The following CLIP2 variants were observed in gnomAD, a reference collection of about 807,000 sequenced individuals.
CLIP2 encodes the protein CAP-Gly domain-containing linker protein 2.
Under a neutral mutation model 111.7 loss-of-function variants are expected in CLIP2, and 41 were observed. The observed-to-expected ratio is 0.37, with a 90% confidence interval of 0.29 to 0.48. The LOEUF is 0.48. CLIP2 is among the 20% of genes least tolerant of loss of function. CLIP2 has a pLI of 0.99. For synonymous variants in CLIP2, 660 were observed against 644.2 expected (o/e 1.02, Z -0.37); for missense variants, 1,160 against 1,422.1 (o/e 0.82, Z 2.96).
intron 1 of CLIP2, among the ~76,000 whole-genome samples, chr7:74,315,367 T>C (rs562503490): frequency 2.5e-4 from 38 of 152,016 alleles, no homozygotes; most frequent in Non-Finnish European, 2.8e-4. Context: ...TTTTTTGCCA[T>C]GATTAATATG....
intron 10 of CLIP2, among the ~76,000 whole-genome samples, chr7:74,377,632 A>T (rs566934586): frequency 1.4e-3 from 213 of 152,180 alleles, no homozygotes; most frequent in African/African-American, 4.9e-3. Flanking sequence ...GCTCCATTTC[A>T]CAGGTGAGCA....
At chr7:74,321,960 A>C (rs1047305698) in intron 2 of CLIP2, among the ~76,000 whole-genome samples, 5 of 130,740 alleles carry the variant, frequency 3.8e-5, no homozygotes, top group East Asian at 4.5e-4. Flanking sequence ...TTTCTTTTTT[A>C]TTTTTATTAT....
At chr7:74,398,933 T>A (rs1791536411) in intron 14 of CLIP2, among the ~76,000 whole-genome samples, 1 of 152,180 alleles carries the variant, frequency 6.6e-6, no homozygotes, top group Non-Finnish European at 1.5e-5. Flanking sequence ...CACAGATTGG[T>A]CAAGTTTACT....
At chr7:74,349,447 A>T (rs111793990) in intron 3 of CLIP2, among the ~76,000 whole-genome samples, 2,715 of 75,696 alleles carry the variant, frequency 0.036, 319 homozygotes, top group African/African-American at 0.12. Flanking sequence ...AAAAAAAAAA[A>T]GTATGTATGT....
At position 74,332,462 on chromosome 7, in the gene CLIP2, T is replaced by C. The variant is rs547135352; in HGVS notation, c.122-5986T>C. Among the ~76,000 whole-genome samples, 59 of 122,692 alleles carry C rather than the reference T, an allele frequency of 4.8e-4. No individual in the cohort carries two copies. The East Asian group carries it at 9.8e-3, about 20-fold the overall frequency. The allele number at this position is 122,692 out of a possible 152,430, so 80.5% of individuals were successfully genotyped here. A position where few individuals can be genotyped will look rare whatever the true frequency, so the allele number is the denominator to read the frequency against. ...GCCTCACTGCAGCCTAGAATTCTCTTTTTTTTTTTTTTTTTTTTAGAGATG... is the reference window on the plus strand; with the variant it reads ...GCCTCACTGCAGCCTAGAATTCTCTCTTTTTTTTTTTTTTTTTTAGAGATG... On this transcript the variant is annotated intron_variant, in intron 2 of 16. Coordinates refer to ENST00000223398, the MANE Select transcript of CLIP2 (RefSeq NM_003388.5).
intron 1 of CLIP2, among the ~76,000 whole-genome samples, chr7:74,294,147 C>T (rs1554725760): frequency 1.3e-5 from 2 of 152,160 alleles, no homozygotes; most frequent in African/African-American, 4.8e-5. Context: ...GAACTCCTGA[C>T]CTCAAGTGAT....
rs74410872 is a variant in CLIP2, at chr7:74,396,949, T to C, written c.2721-125T>C. 3,461 of 1,216,904 alleles carry C rather than the reference T, an allele frequency of 2.8e-3. 79 individuals carry two copies. The African/African-American group carries it at 0.047, about 16-fold the overall frequency. 75.4% of individuals were successfully genotyped at this position (1,216,904 alleles called of 1,614,324 possible). A position where few individuals can be genotyped will look rare whatever the true frequency, so the allele number is the denominator to read the frequency against. Reference sequence around the variant, plus strand: ...CTACTGTGGCCCCTCGTGGCACAGATGCCATCTAGTAGCCCATGTCCCCCA... The same window carrying C: ...CTACTGTGGCCCCTCGTGGCACAGACGCCATCTAGTAGCCCATGTCCCCCA... On this transcript the variant is annotated intron_variant, in intron 13 of 16. Transcript: ENST00000223398.
rs10250539 is a variant in CLIP2, at chr7:74,388,694, T to C, written c.2564-409T>C. ...CCTGTAGTCCCAGCTACTTGGGAGG[T>C]TGAGGCAGAAGAATTGCTTGAACCC... On this transcript the variant is annotated intron_variant, in intron 12 of 16. Transcript: ENST00000223398. 7.9e-3 allele frequency: 1,222 copies of C among 153,752 alleles called. 20 individuals carry two copies. Among genetic ancestry groups the C allele is most frequent in the African/African-American group, 0.029 (1,178 of 41,288 alleles). The allele number at this position is 153,752 out of a possible 1,614,324, so 9.5% of individuals were successfully genotyped here. A position where few individuals can be genotyped will look rare whatever the true frequency, so the allele number is the denominator to read the frequency against.
At chr7:74,322,054 C>T (rs1185189521) in intron 2 of CLIP2, among the ~76,000 whole-genome samples, 13 of 145,670 alleles carry the variant, frequency 8.9e-5, no homozygotes, top group African/African-American at 1.5e-4. Flanking sequence ...CACGATCTCA[C>T]GATCTCAGCT....
intron 12 of CLIP2, among the ~76,000 whole-genome samples, chr7:74,387,835 C>G (rs1475622075): frequency 6.6e-6 from 1 of 152,216 alleles, no homozygotes; most frequent in East Asian, 1.9e-4. Context: ...TGTACCTGTT[C>G]TCTCAGGCCC....
At chr7:74,304,570 A>AG (rs5884937) in intron 1 of CLIP2, among the ~76,000 whole-genome samples, 2 of 151,370 alleles carry the variant, frequency 1.3e-5, no homozygotes, top group Non-Finnish European at 3.0e-5. Flanking sequence ...AAAAAAAAAA[A>AG]GTTTAAGAAA....
Position 74,338,715 on chromosome 7 carries a change from T to A in CLIP2, c.389T>A (p.Phe130Tyr). 6.3e-7 allele frequency: 1 copy of A among 1,590,008 alleles called. No individual in the cohort carries two copies. Among genetic ancestry groups the A allele is most frequent in the Non-Finnish European group, 8.5e-7 (1 of 1,171,860 alleles). ...NDGAVGGVRY[F>Y]ECPALQGIFT... ...GGCGCGGTGGGCGGCGTGCGCTACT[T>A]CGAGTGCCCGGCCCTCCAGGGTATC... is the stretch of plus-strand genomic sequence containing the variant. The change falls in exon 3 of 17, where the codon TTC becomes TAC. Residue 130 changes from phenylalanine to tyrosine, a missense_variant. Physicochemically the swap from Phe to Tyr is conservative, Grantham distance 22. Transcript: ENST00000223398. The surrounding 1 kb of genome is among the most constrained non-coding windows in gnomAD (Gnocchi z 4.3).
chr7:74,353,150 CAAAA>C lies in CLIP2; in HGVS notation c.679-723_679-720del, dbSNP rs563800750. ...TAGGCAACAGAGCAGGACCCTATCT[CAAAA>C]AAAAAAGAAAAAGAAAAACTGCTTT... On this transcript the variant is annotated intron_variant, in intron 3 of 16. Coordinates refer to ENST00000223398, the MANE Select transcript of CLIP2 (RefSeq NM_003388.5). Among the ~76,000 whole-genome samples the C allele has an allele frequency of 1.6e-3, 220 of 139,056 alleles. 2 individuals carry two copies. The highest frequency in any genetic ancestry group is 5.6e-3 in the African/African-American group (210 of 37,712). The allele number at this position is 139,056 out of a possible 152,430, so 91.2% of individuals were successfully genotyped here. A position where few individuals can be genotyped will look rare whatever the true frequency, so the allele number is the denominator to read the frequency against.
At chr7:74,310,088 G>A in intron 1 of CLIP2, among the ~76,000 whole-genome samples, 1 of 132,108 alleles carries the variant, frequency 7.6e-6, no homozygotes, top group East Asian at 2.2e-4. Flanking sequence ...AGTTCAGCCA[G>A]GCGTGATGGC....
chr7:74,329,169 G>A (rs544231013), intron 2 of CLIP2, among the ~76,000 whole-genome samples: 13 of 139,898 alleles, frequency 9.3e-5, no homozygotes, highest in South Asian at 9.3e-4. Context: ...CTCGTGATCC[G>A]CCCTCCTCGG....
intron 2 of CLIP2, among the ~76,000 whole-genome samples, chr7:74,326,945 T>G (rs1348402437): frequency 1.3e-5 from 2 of 150,496 alleles, no homozygotes; most frequent in Non-Finnish European, 3.0e-5. Flanking sequence ...CTGTTTTTGT[T>G]TTTGAGATGG....
At chr7:74,398,893 A>G (rs1365171607) in intron 14 of CLIP2, among the ~76,000 whole-genome samples, 3 of 152,198 alleles carry the variant, frequency 2.0e-5, no homozygotes, top group Admixed American at 6.5e-5. Flanking sequence ...AGGAGTGCGC[A>G]GTGCTGAGCT....
chr7:74,307,251 C>T (rs1788517939), intron 1 of CLIP2, among the ~76,000 whole-genome samples: 1 of 152,198 alleles, frequency 6.6e-6, no homozygotes, highest in South Asian at 2.1e-4. Context: ...GACGCTGTCC[C>T]CAGAGGCCAG....
chr7:74,368,335 G>A (rs1029913958), intron 8 of CLIP2, among the ~76,000 whole-genome samples: 3 of 152,016 alleles, frequency 2.0e-5, no homozygotes, highest in African/African-American at 7.2e-5. Flanking sequence ...GACCAACATA[G>A]TGAAACCCCG....
Sources: gnomAD v4.1 joint callset for allele counts (sites outside exome capture counted in the v4.1 genomes callset) on GRCh38, gnomAD v4.1.1 for gene constraint, Gnocchi (gnomAD v3.1) non-coding constraint, MANE v1.5 for transcripts, NCBI Gene and HGNC (gene_info 2026-07-23, HGNC 2026-07-21) for gene names.